The following CDH4 variants were observed in gnomAD, a reference collection of about 807,000 sequenced individuals.
The protein encoded by CDH4 is cadherin-4.
A neutral mutation model predicts 86.0 loss-of-function variants in CDH4; 33 were observed. That is an observed-to-expected ratio of 0.38 (90% CI 0.29 to 0.51). The LOEUF (loss-of-function observed/expected upper bound fraction) is 0.51. CDH4 is among the 20% of genes least tolerant of loss of function. The probability of loss-of-function intolerance (pLI) is 0.86; values close to 1 mark genes in which losing one functional copy is unlikely to be tolerated. For synonymous variants in CDH4, 555 were observed against 549.4 expected, an observed-to-expected ratio of 1.01 and a Z score of -0.14; for missense variants, 1,114 against 1,307.4, an observed-to-expected ratio of 0.85 and a Z score of 2.28.
intron 4 of CDH4, among the ~76,000 whole-genome samples, chr20:61,805,658 G>C (rs754756416): frequency 6.6e-6 from 1 of 152,182 alleles, no homozygotes; most frequent in African/African-American, 2.4e-5. Flanking sequence ...CCAACCTACC[G>C]CATGGCAGAG....
At position 61,389,657 on chromosome 20, in the gene CDH4, G is replaced by A. The variant is rs534985685; in HGVS notation, c.169+134720G>A. Among the ~76,000 whole-genome samples, 12 of 152,286 alleles carry A rather than the reference G, an allele frequency of 7.9e-5. No homozygotes were observed. The South Asian group carries it at 2.5e-3, about 32-fold the overall frequency. On this transcript the variant is annotated intron_variant, in intron 2 of 15. Transcript: ENST00000614565. ...CTTCTCAACTGGGCCAGGAACACAC[G>A]GCGATGTCTGGAGGCATTTTTCGTT...
At chr20:61,730,365 C>T (rs1323211131) in intron 2 of CDH4, among the ~76,000 whole-genome samples, 1 of 152,176 alleles carries the variant, frequency 6.6e-6, no homozygotes, top group Admixed American at 6.5e-5. Flanking sequence ...GTCTCTGTGG[C>T]TTTGCCATTT....
intron 2 of CDH4, among the ~76,000 whole-genome samples, chr20:61,471,627 T>C (rs981135011): frequency 1.3e-5 from 2 of 152,068 alleles, no homozygotes; most frequent in African/African-American, 4.8e-5. Flanking sequence ...TTTTCTACTT[T>C]GTTGATATAG....
At chr20:61,378,887 T>C (rs2084885511) in intron 2 of CDH4, among the ~76,000 whole-genome samples, 1 of 152,196 alleles carries the variant, frequency 6.6e-6, no homozygotes, top group South Asian at 2.1e-4. Flanking sequence ...AACTGTAGGA[T>C]GATGTCATCA....
At chr20:61,556,131 G>T (rs73914846) in intron 2 of CDH4, among the ~76,000 whole-genome samples, 2 of 152,194 alleles carry the variant, frequency 1.3e-5, no homozygotes, top group African/African-American at 4.8e-5. Context: ...ACAGAAGTTT[G>T]CCAGGGATGC....
At chr20:61,458,543 G>A (rs976264327) in intron 2 of CDH4, among the ~76,000 whole-genome samples, 1 of 152,084 alleles carries the variant, frequency 6.6e-6, no homozygotes, top group Non-Finnish European at 1.5e-5. Context: ...ACTGGTGGTG[G>A]TGATGATAAT....
At chr20:61,298,049 A>G (rs750042794) in intron 2 of CDH4, among the ~76,000 whole-genome samples, 16 of 152,218 alleles carry the variant, frequency 1.1e-4, no homozygotes, top group Middle Eastern at 3.2e-3. Flanking sequence ...GGCTTTGGCT[A>G]TCACGAGGTG....
intron 12 of CDH4, 67 bp from the exon 13 acceptor site, chr20:61,929,542 C>T: frequency 7.9e-7 from 1 of 1,267,538 alleles, no homozygotes. Context: ...TAGTCTTTTC[C>T]TTTGGACGTC....
chr20:61,631,832 C>T (rs946813120), intron 2 of CDH4, among the ~76,000 whole-genome samples: 3 of 152,196 alleles, frequency 2.0e-5, no homozygotes, highest in African/African-American at 7.2e-5. Context: ...GGGTGGCACG[C>T]GTCCTCCGGC....
chr20:61,629,394 A>T lies in CDH4; in HGVS notation c.170-114169A>T, dbSNP rs1281697734. 3.6e-4 allele frequency among the ~76,000 whole-genome samples: 15 copies of T among 41,748 alleles called. No individual in the cohort carries two copies. The South Asian group carries it at 6.6e-3, about 18-fold the overall frequency. 27.4% of individuals were successfully genotyped at this position (41,748 alleles called of 152,430 possible). ...GCTCACTGATGCCAGAAATGAAATA[A>T]AAAAAAAAATAATTAAGAGCTTGGA... is the stretch of plus-strand genomic sequence containing the variant. On this transcript the variant is annotated intron_variant, in intron 2 of 15. Transcript: ENST00000614565.
chr20:61,930,765 C>G (rs557192112), intron 13 of CDH4, among the ~76,000 whole-genome samples: 1 of 152,226 alleles, frequency 6.6e-6, no homozygotes, highest in Non-Finnish European at 1.5e-5. Flanking sequence ...CGTTCAGTGT[C>G]GTGGGCTTCT....
At chr20:61,444,346 T>TGTG (rs1323631842) in intron 2 of CDH4, among the ~76,000 whole-genome samples, 28 of 144,356 alleles carry the variant, frequency 1.9e-4, no homozygotes, top group East Asian at 1.1e-3. Context: ...TCTGTGTGTG[T>TGTG]CTGTGTATAT....
chr20:61,583,771 T>G (rs372693128), intron 2 of CDH4, among the ~76,000 whole-genome samples: 2 of 152,254 alleles, frequency 1.3e-5, no homozygotes, highest in Non-Finnish European at 2.9e-5. Flanking sequence ...TGCCCACATG[T>G]GTCTGCACCT....
At chr20:61,530,040 T>C (rs570885172) in intron 2 of CDH4, among the ~76,000 whole-genome samples, 1 of 151,722 alleles carries the variant, frequency 6.6e-6, no homozygotes, top group Non-Finnish European at 1.5e-5. Flanking sequence ...GTTTGTGTGT[T>C]TGTTTGTTTT....
At position 61,393,213 on chromosome 20, in the gene CDH4, G is replaced by A. The variant is rs1194525773; in HGVS notation, c.169+138276G>A. Among the ~76,000 whole-genome samples the A allele has an allele frequency of 1.3e-5, 2 of 152,226 alleles. No individual in the cohort carries two copies. Among genetic ancestry groups the A allele is most frequent in the East Asian group, 3.9e-4 (2 of 5,154 alleles). On this transcript the variant is annotated intron_variant, in intron 2 of 15. Transcript: ENST00000614565. The surrounding 1 kb of genome is among the most constrained non-coding windows in gnomAD (Gnocchi z 4.3). ...CAACACTGTTTAATCGGTCCTCGCG[G>A]GAGCTTCCCTGGGGGTGCAGGACCC...
intron 9 of CDH4, among the ~76,000 whole-genome samples, chr20:61,919,383 G>A (rs1461864945): frequency 2.0e-5 from 3 of 152,220 alleles, no homozygotes; most frequent in Non-Finnish European, 4.4e-5. Context: ...CATGGGGAGT[G>A]GGGTTCAAAA....
chr20:61,782,960 C>T (rs1413237813), intron 4 of CDH4, among the ~76,000 whole-genome samples: 2 of 152,162 alleles, frequency 1.3e-5, no homozygotes, highest in Admixed American at 1.3e-4. Context: ...TGGCACATGC[C>T]TATAATCCCA....
intron 2 of CDH4, among the ~76,000 whole-genome samples, chr20:61,677,540 A>G (rs2087456432): frequency 6.6e-6 from 1 of 152,188 alleles, no homozygotes; most frequent in African/African-American, 2.4e-5. Context: ...TTTACACTTT[A>G]GATTTTTTTA....
intron 2 of CDH4, among the ~76,000 whole-genome samples, chr20:61,564,062 T>C (rs186857477): frequency 1.1e-4 from 16 of 152,252 alleles, no homozygotes; most frequent in African/African-American, 3.9e-4. Flanking sequence ...CTGCCCTCAG[T>C]CTCCTGTGAG....
Sources: gnomAD v4.1 joint callset for allele counts (sites outside exome capture counted in the v4.1 genomes callset) on GRCh38, gnomAD v4.1.1 for gene constraint, Gnocchi (gnomAD v3.1) non-coding constraint, MANE v1.5 for transcripts, NCBI Gene and HGNC (gene_info 2026-07-23, HGNC 2026-07-21) for gene names.